The following PRPF6 variants were observed in gnomAD, a reference collection of about 807,000 sequenced individuals.
The protein encoded by PRPF6 is pre-mRNA-processing factor 6.
A neutral mutation model predicts 118.3 loss-of-function variants in PRPF6; 42 were observed. The ratio of observed to expected loss-of-function variants is 0.35; its 90% CI spans 0.28 to 0.46. The LOEUF is 0.46. PRPF6 is among the 20% of genes least tolerant of loss of function. PRPF6 has a pLI of 1.00. For missense variants in PRPF6, 662 were observed against 1,255.7 expected (o/e 0.53, Z 7.15); for synonymous variants, 481 against 485.1 (o/e 0.99, Z 0.11).
chr20:64,025,584 T>A (rs1170030940), intron 14 of PRPF6, among the ~76,000 whole-genome samples: 1 of 152,228 alleles, frequency 6.6e-6, no homozygotes, highest in Non-Finnish European at 1.5e-5. Context: ...TTGCGTGTGA[T>A]GAGTCTACCA....
chr20:64,004,176 A>T (rs1392112981), intron 9 of PRPF6, among the ~76,000 whole-genome samples: 1 of 152,026 alleles, frequency 6.6e-6, no homozygotes, highest in Non-Finnish European at 1.5e-5. Flanking sequence ...AGATGGGAGT[A>T]TGCTGTTGGA....
In PRPF6 at chr20:63,981,194, C is replaced by G. The variant is rs1398084741; in HGVS notation, c.-52C>G. 10 of 1,550,016 alleles carry G rather than the reference C, an allele frequency of 6.5e-6. No homozygotes were observed. The highest frequency in any genetic ancestry group is 2.6e-6 in the Non-Finnish European group (3 of 1,139,532). On this transcript the variant is annotated 5_prime_UTR_variant, in exon 1 of 21. Transcript: ENST00000266079. ...AAGCCTAGAGTCTCTGCGTCTTTCC[C>G]TCTTCCGCTGCCTCATTCCTTTCCT...
At chr20:64,005,777 T>G (rs1366672891) in intron 9 of PRPF6, among the ~76,000 whole-genome samples, 1 of 152,032 alleles carries the variant, frequency 6.6e-6, no homozygotes, top group Non-Finnish European at 1.5e-5. Flanking sequence ...CTCTGTTGCC[T>G]AGGCTGGAGT....
At chr20:63,999,572 C>T (rs948720297) in intron 7 of PRPF6, 31 bp from the exon 8 acceptor site, 4 of 1,613,344 alleles carry the variant, frequency 2.5e-6, no homozygotes, top group Non-Finnish European at 2.5e-6. Context: ...GACAGCATGG[C>T]CTGATGCCGT....
At chr20:64,004,430 C>G (rs1420386614) in intron 9 of PRPF6, among the ~76,000 whole-genome samples, 1 of 152,192 alleles carries the variant, frequency 6.6e-6, no homozygotes, top group Non-Finnish European at 1.5e-5. Flanking sequence ...TGGTTATTAG[C>G]AAACACTTAC....
intron 3 of PRPF6, among the ~76,000 whole-genome samples, chr20:63,986,904 C>G (rs544988892): frequency 4.0e-4 from 61 of 151,778 alleles, no homozygotes; most frequent in Admixed American, 7.9e-4. Context: ...TGTGGTGGCT[C>G]ACGTCTGTAA....
Position 64,028,350 on chromosome 20 carries a change from G to C in PRPF6, c.2340-128G>C, listed in dbSNP as rs1381739130. The C allele has an allele frequency of 1.1e-6, 1 of 947,530 alleles. No individual in the cohort carries two copies. Among genetic ancestry groups the C allele is most frequent in the Non-Finnish European group, 1.7e-6 (1 of 594,938 alleles). 58.7% of individuals were successfully genotyped at this position (947,530 alleles called of 1,614,324 possible). Reference sequence around the variant, plus strand: ...GTTTCTGTGGTGGATGAGCTCTGCTGTGGAGGGAATGGAGTTTTTGCTGCT... The same window carrying C: ...GTTTCTGTGGTGGATGAGCTCTGCTCTGGAGGGAATGGAGTTTTTGCTGCT... On this transcript the variant is annotated intron_variant, in intron 17 of 20. Transcript: ENST00000266079. The surrounding 1 kb of genome is among the most constrained non-coding windows in gnomAD (Gnocchi z 6.5).
chr20:64,028,735 T>G lies in PRPF6; in HGVS notation c.2431+166T>G, dbSNP rs1455181788. Among the ~76,000 whole-genome samples, 1 of 152,144 alleles carries G rather than the reference T, an allele frequency of 6.6e-6. No individual in the cohort carries two copies. The highest frequency in any genetic ancestry group is 2.4e-5 in the African/African-American group (1 of 41,436). On this transcript the variant is annotated intron_variant, in intron 18 of 20. Coordinates refer to ENST00000266079, the MANE Select transcript of PRPF6 (RefSeq NM_012469.4). The surrounding 1 kb of genome is among the most constrained non-coding windows in gnomAD (Gnocchi z 6.5). ...GACGGACTTTATTAAAATGTGTAGT[T>G]TGTGTGAATCATTTCAGTCAAAAGT... is the stretch of plus-strand genomic sequence containing the variant.
In PRPF6 at chr20:63,999,607, A is replaced by G. The variant is rs895004636; in HGVS notation, c.871A>G (p.Ile291Val). 5.0e-6 allele frequency: 8 copies of G among 1,613,932 alleles called. No individual in the cohort carries two copies. Among genetic ancestry groups the G allele is most frequent in the Non-Finnish European group, 6.8e-6 (8 of 1,180,046 alleles). ...IPTHGGDIND[I>V]KKARLLLKSV... is the part of the protein sequence containing the mutation. ...TGTGCACTCTCCCTCTCATAGTGAT[A>G]TCAAGAAGGCGCGACTGCTCCTCAA... Residue 291 changes from isoleucine to valine, a missense_variant, in exon 8 of 21, where the codon ATC becomes GTC. Transcript: ENST00000266079.
At chr20:64,031,440 T>A (rs1372415402) in intron 19 of PRPF6, among the ~76,000 whole-genome samples, 1 of 152,156 alleles carries the variant, frequency 6.6e-6, no homozygotes, top group Non-Finnish European at 1.5e-5. Context: ...ACTGGGAGGC[T>A]GAGGCAGGTG....
At chr20:64,007,105 T>C (rs984110352) in intron 9 of PRPF6, among the ~76,000 whole-genome samples, 1 of 152,202 alleles carries the variant, frequency 6.6e-6, no homozygotes, top group Non-Finnish European at 1.5e-5. Context: ...ATCTGCCCCA[T>C]AGCTTAGGCA....
At position 64,031,947 on chromosome 20, in the gene PRPF6, A is replaced by G; in HGVS notation, c.2576A>G (p.Lys859Arg). ...TTTTGGAGTCAGCGGAAGATCACCA[A>G]GGCCAGGGAGTGGTTCCACCGCACT... ...KLFWSQRKIT[K>R]AREWFHRTVK... The change falls in exon 20 of 21, where the codon AAG (lysine) becomes AGG (arginine). Residue 859 changes from lysine (K) to arginine (R), a missense_variant. Physicochemically the swap from Lys to Arg is conservative, Grantham distance 26 (BLOSUM62 2). Around this residue, in one of 10 missense-constraint regions of PRPF6, gnomAD observed 244 missense variants for 383.7 expected, o/e 0.64. Transcript: ENST00000266079. The G allele has an allele frequency of 1.2e-6, 2 of 1,614,166 alleles. No individual in the cohort carries two copies. Among genetic ancestry groups the G allele is most frequent in the Non-Finnish European group, 1.7e-6 (2 of 1,180,034 alleles).
chr20:64,031,208 T>C (rs906593121), intron 19 of PRPF6, among the ~76,000 whole-genome samples: 1 of 152,244 alleles, frequency 6.6e-6, no homozygotes, highest in Non-Finnish European at 1.5e-5. Flanking sequence ...GGGTTGCTGC[T>C]GGAGGCCGGG....
At chr20:64,032,641 A>G (rs1005861309) in intron 20 of PRPF6, among the ~76,000 whole-genome samples, 200 bp from the exon 21 acceptor site, 1 of 152,238 alleles carries the variant, frequency 6.6e-6, no homozygotes, top group African/African-American at 2.4e-5. Flanking sequence ...GGTGGGGTCC[A>G]TGCTCCTCAG....
chr20:63,993,262 GTATATGTATA>G (rs1024824525), intron 3 of PRPF6, 135 bp from the exon 4 acceptor site: 3 of 266,032 alleles, frequency 1.1e-5, no homozygotes, highest in African/African-American at 8.0e-5. Flanking sequence ...GTGTGTGTGT[GTATATGTATA>G]TATATATATA....
rs1445975456 is a variant in PRPF6, at chr20:64,026,418, A to G, written c.2028+360A>G. ...CTGCTCGGGAGGCTGAGGCAGGAGA[A>G]TCGCTTGAACCCCGGGGGTGGAGGT... is the stretch of plus-strand genomic sequence containing the variant. On this transcript the variant is annotated intron_variant, in intron 15 of 20. Transcript: ENST00000266079. The surrounding 1 kb of genome is among the most constrained non-coding windows in gnomAD (Gnocchi z 4.4). 3.3e-5 allele frequency among the ~76,000 whole-genome samples: 5 copies of G among 152,210 alleles called. No homozygotes were observed. The highest frequency in any genetic ancestry group is 1.3e-4 in the Admixed American group (2 of 15,274).
chr20:63,992,967 C>T (rs888507548), intron 3 of PRPF6, among the ~76,000 whole-genome samples: 1 of 151,922 alleles, frequency 6.6e-6, no homozygotes, highest in African/African-American at 2.4e-5. Context: ...CCTGTAATCC[C>T]AGCACTTTGG....
At chr20:63,982,377 G>C (rs2059073642) in intron 1 of PRPF6, among the ~76,000 whole-genome samples, 1 of 151,810 alleles carries the variant, frequency 6.6e-6, no homozygotes, top group Non-Finnish European at 1.5e-5. Flanking sequence ...TCACCATGTT[G>C]GCCAGGGGGG....
Position 64,029,659 on chromosome 20 carries a change from C to T in PRPF6, c.2546+168C>T, listed in dbSNP as rs1569226521. On this transcript the variant is annotated intron_variant, in intron 19 of 20. Coordinates refer to ENST00000266079, the MANE Select transcript of PRPF6 (RefSeq NM_012469.4). This position sits in a 1 kb window ranked among gnomAD's most constrained non-coding sequence, Gnocchi z 4.8. ...CTGTGGTCTGGGGCAGGCGCCTCTCCTGGCAGACACACCTGAGGGTGCCGT... is the reference window on the plus strand; with the variant it reads ...CTGTGGTCTGGGGCAGGCGCCTCTCTTGGCAGACACACCTGAGGGTGCCGT... 2.0e-5 allele frequency among the ~76,000 whole-genome samples: 3 copies of T among 152,280 alleles called. No homozygotes were observed. The highest frequency in any genetic ancestry group is 4.4e-5 in the Non-Finnish European group (3 of 68,050).
Sources: allele counts gnomAD v4.1 joint callset (sites outside exome capture counted in the v4.1 genomes callset), GRCh38; gene constraint gnomAD v4.1.1; regional missense constraint gnomAD v4.1.1; non-coding constraint Gnocchi (gnomAD v3.1); transcripts MANE v1.5; gene names NCBI Gene and HGNC (gene_info 2026-07-23, HGNC 2026-07-21).